APBB1: variants seen among roughly 807,000 people sequenced by gnomAD.
APBB1 encodes adaptor protein FE65a2.
A neutral mutation model predicts 78.4 loss-of-function variants in APBB1; 22 were observed. The observed-to-expected ratio is 0.28, with a 90% CI of 0.20 to 0.40. The LOEUF (loss-of-function observed/expected upper bound fraction) is 0.40, where lower values mean the gene tolerates loss of function less well. Ranked by LOEUF, APBB1 falls within the 10% of genes least tolerant of loss-of-function variation. The probability of loss-of-function intolerance (pLI) is 1.00; values close to 1 mark genes in which losing one functional copy is unlikely to be tolerated. For missense variants in APBB1, 749 were observed against 932.4 expected (o/e 0.80, Z 2.56); for synonymous variants, 369 against 372.7 (o/e 0.99, Z 0.12).
At chr11:6,407,209 G>T (rs1443386773) in intron 2 of APBB1, among the ~76,000 whole-genome samples, 2 of 152,120 alleles carry the variant, frequency 1.3e-5, no homozygotes, top group African/African-American at 2.4e-5. Flanking sequence ...CCTTTCCTGG[G>T]CTGGCCCCCA....
intron 1 of APBB1, among the ~76,000 whole-genome samples, chr11:6,417,602 T>C (rs1311836836): frequency 6.6e-6 from 1 of 152,086 alleles, no homozygotes; most frequent in Admixed American, 6.5e-5. Context: ...TTGAGAACAG[T>C]TAAAGGGAGG....
chr11:6,398,753 C>T (rs1848356333), intron 12 of APBB1, among the ~76,000 whole-genome samples: 1 of 152,240 alleles, frequency 6.6e-6, no homozygotes, highest in Admixed American at 6.5e-5. Context: ...CTCCACTCTG[C>T]AAATCCAAAC....
chr11:6,405,129 T>C (rs1848746300), intron 2 of APBB1: 1 of 1,293,154 alleles, frequency 7.7e-7, no homozygotes, highest in Admixed American at 3.6e-5. Context: ...CCTCCAGTGG[T>C]TACCTCAGTG....
chr11:6,395,549 C>A lies in APBB1; in HGVS notation c.2118G>T (p.Gly706=). ...GGGGGCTTCTTCATGGGGTATGGGC[C>A]CCCAGCCGTTTGGGCTTCAGGGAGC... is the stretch of plus-strand genomic sequence containing the variant. ...LWGSLKPKRL[G]AHTP Residue 706 remains glycine, a synonymous_variant, in exon 15 of 15, where the codon GGG becomes GGT. Coordinates refer to ENST00000609360, the MANE Select transcript of APBB1 (RefSeq NM_001164.5). This position sits in a 1 kb window ranked among gnomAD's most constrained non-coding sequence, Gnocchi z 5.2. 1 of 1,566,996 alleles carries A rather than the reference C, an allele frequency of 6.4e-7. No homozygotes were observed. The highest frequency in any genetic ancestry group is 1.2e-5 in the South Asian group (1 of 84,226).
At chr11:6,419,423 G>T (rs1438185028), upstream of APBB1, 3 of 165,052 alleles carry the variant, frequency 1.8e-5, no homozygotes, top group Non-Finnish European at 3.9e-5. Context: ...GAATGGCGGC[G>T]GCTGTGCGGC....
intron 1 of APBB1, among the ~76,000 whole-genome samples, chr11:6,418,259 G>A (rs1015578047): frequency 7.2e-5 from 11 of 152,228 alleles, no homozygotes; most frequent in Admixed American, 6.5e-4. Context: ...GGAGATAACA[G>A]TGTCCACTGG....
chr11:6,409,973 A>G (rs1274117399), intron 2 of APBB1, among the ~76,000 whole-genome samples: 1 of 152,138 alleles, frequency 6.6e-6, no homozygotes, highest in Non-Finnish European at 1.5e-5. Flanking sequence ...ATAAGCACAC[A>G]ACATTCCCAG....
At position 6,403,930 on chromosome 11, in the gene APBB1, A is replaced by G; in HGVS notation, c.722-108T>C. 2 of 1,215,232 alleles carry G rather than the reference A, an allele frequency of 1.6e-6. No homozygotes were observed. Among genetic ancestry groups the G allele is most frequent in the South Asian group, 3.2e-5 (2 of 61,706 alleles). 75.3% of individuals were successfully genotyped at this position (1,215,232 alleles called of 1,614,324 possible). On this transcript the variant is annotated intron_variant, in intron 2 of 14. Transcript: ENST00000609360. The surrounding 1 kb of genome is among the most constrained non-coding windows in gnomAD (Gnocchi z 5.3). ...CATGGTTGAGAAGGGGTGGTGGAAG[A>G]GCTATACCACAACACAGTTCCTGCT...
intron 2 of APBB1, chr11:6,404,865 G>C: frequency 6.5e-7 from 1 of 1,528,476 alleles, no homozygotes; most frequent in Non-Finnish European, 8.7e-7. Context: ...AGCCAGCTGG[G>C]CTCACAGCCT....
chr11:6,405,396 C>T (rs1848758121), intron 2 of APBB1: 16 of 987,552 alleles, frequency 1.6e-5, no homozygotes, highest in Non-Finnish European at 1.9e-5. Flanking sequence ...CCTGCCAGGG[C>T]CCAGCTAGGC....
intron 2 of APBB1, chr11:6,405,406 C>T (rs895655688): frequency 1.0e-6 from 1 of 987,506 alleles, no homozygotes; most frequent in Non-Finnish European, 1.2e-6. Flanking sequence ...CCCAGCTAGG[C>T]TGCAGCGTCT....
Position 6,403,888 on chromosome 11 carries a change from G to C in APBB1, c.722-66C>G, listed in dbSNP as rs1033410470. ...GAGCAGACAGCTGGTGCCTATGCCC[G>C]GTCCCCTCTGAGACCCCATGGTTGA... On this transcript the variant is annotated intron_variant, in intron 2 of 14. Transcript: ENST00000609360. This position sits in a 1 kb window ranked among gnomAD's most constrained non-coding sequence, Gnocchi z 5.3. The C allele has an allele frequency of 4.7e-6, 7 of 1,492,566 alleles. No individual in the cohort carries two copies. The highest frequency in any genetic ancestry group is 6.3e-6 in the Non-Finnish European group (7 of 1,114,444). The allele number at this position is 1,492,566 out of a possible 1,614,324, so 92.5% of individuals were successfully genotyped here.
intron 2 of APBB1, among the ~76,000 whole-genome samples, chr11:6,410,032 C>T (rs114310502): frequency 2.6e-5 from 4 of 151,228 alleles, no homozygotes; most frequent in Admixed American, 6.6e-5. Context: ...TCCCAACAGG[C>T]GTGACCTGTT....
chr11:6,407,623 A>C (rs1848845864), intron 2 of APBB1, among the ~76,000 whole-genome samples: 1 of 152,172 alleles, frequency 6.6e-6, no homozygotes, highest in Admixed American at 6.5e-5. Flanking sequence ...GGCTGCATTG[A>C]GACTATATTT....
At position 6,411,736 on chromosome 11, in the gene APBB1, C is replaced by T. The variant is rs996435716; in HGVS notation, c.-14-375G>A. Among the ~76,000 whole-genome samples, 2 of 152,180 alleles carry T rather than the reference C, an allele frequency of 1.3e-5. No individual in the cohort carries two copies. The highest frequency in any genetic ancestry group is 2.9e-5 in the Non-Finnish European group (2 of 68,014). On this transcript the variant is annotated intron_variant, in intron 1 of 14. Coordinates refer to ENST00000609360, the MANE Select transcript of APBB1 (RefSeq NM_001164.5). The surrounding 1 kb of genome is among the most constrained non-coding windows in gnomAD (Gnocchi z 5.2). ...GCCAGGAACACCACTAGAGTGGGACCGGCTCGTGTGTTTTGGACACTGATC... is the reference window on the plus strand; with the variant it reads ...GCCAGGAACACCACTAGAGTGGGACTGGCTCGTGTGTTTTGGACACTGATC...
chr11:6,410,872 T>C lies in APBB1; in HGVS notation c.476A>G (p.Glu159Gly). The C allele has an allele frequency of 6.2e-7, 1 of 1,613,992 alleles. No homozygotes were observed. The highest frequency in any genetic ancestry group is 1.7e-5 in the Admixed American group (1 of 60,012). The change falls in exon 2 of 15, where the codon GAG (glutamate) becomes GGG (glycine). Residue 159 changes from glutamate (E) to glycine (G), a missense_variant. Physicochemically the swap from Glu to Gly is moderately conservative, Grantham distance 98. Around this residue, in one of 3 missense-constraint regions of APBB1, gnomAD observed 635 missense variants for 765.0 expected, o/e 0.83. Coordinates refer to ENST00000609360, the MANE Select transcript of APBB1 (RefSeq NM_001164.5). ...GEEKAAGEAE[E>G]EEEDDDDEEE... ...TTCATCATCATCATCCTCCTCCTCC[T>C]CCTCGGCCTCCCCGGCCGCCTTCTC...
At chr11:6,418,960 G>A (rs1305049833) in intron 1 of APBB1, 25 bp downstream of exon 1, 1 of 390,242 alleles carries the variant, frequency 2.6e-6, no homozygotes, top group African/African-American at 2.1e-5. Context: ...CACCGGGGCT[G>A]GGCCGGGGCA....
rs1444309081 is a variant in APBB1, at chr11:6,411,732, G to T, written c.-14-371C>A. Among the ~76,000 whole-genome samples, 2 of 152,156 alleles carry T rather than the reference G, an allele frequency of 1.3e-5. No individual in the cohort carries two copies. Among genetic ancestry groups the T allele is most frequent in the Non-Finnish European group, 1.5e-5 (1 of 68,002 alleles). On this transcript the variant is annotated intron_variant, in intron 1 of 14. Coordinates refer to ENST00000609360, the MANE Select transcript of APBB1 (RefSeq NM_001164.5). This position sits in a 1 kb window ranked among gnomAD's most constrained non-coding sequence, Gnocchi z 5.2. ...CTGTGCCAGGAACACCACTAGAGTG[G>T]GACCGGCTCGTGTGTTTTGGACACT...
intron 1 of APBB1, among the ~76,000 whole-genome samples, chr11:6,413,202 G>A (rs772873476): frequency 2.0e-5 from 3 of 151,930 alleles, no homozygotes. Flanking sequence ...CCCTCCTTCA[G>A]ACAGCCCCTA....
Sources: allele counts gnomAD v4.1 joint callset (sites outside exome capture counted in the v4.1 genomes callset), GRCh38; gene constraint gnomAD v4.1.1; regional missense constraint gnomAD v4.1.1; non-coding constraint Gnocchi (gnomAD v3.1); transcripts MANE v1.5; gene names NCBI Gene and HGNC (gene_info 2026-07-23, HGNC 2026-07-21).